INTS1: variants seen among roughly 807,000 people sequenced by gnomAD.
The protein encoded by INTS1 is integrator complex subunit 1.
Under a neutral mutation model 241.6 loss-of-function variants are expected in INTS1, and 137 were observed. The observed-to-expected ratio is 0.57, with a 90% CI of 0.49 to 0.65. The LOEUF is 0.65. Ranked by LOEUF, INTS1 falls within the 30% of genes least tolerant of loss-of-function variation. The pLI, the probability that INTS1 is intolerant of heterozygous loss-of-function variation, is 0.00. For synonymous variants in INTS1, 1,692 were observed against 1,337.8 expected (o/e 1.26, Z -5.78); for missense variants, 3,073 against 3,032.2 (o/e 1.01, Z -0.32).
intron 14 of INTS1, 136 bp downstream of exon 14, chr7:1,494,680 G>T: frequency 1.2e-6 from 1 of 817,864 alleles, no homozygotes; most frequent in Admixed American, 2.1e-5. Flanking sequence ...CAGGATTGTG[G>T]AGGAGGAGCA....
intron 30 of INTS1, among the ~76,000 whole-genome samples, chr7:1,480,053 G>C (rs1718010046): frequency 6.6e-6 from 1 of 152,260 alleles, no homozygotes; most frequent in African/African-American, 2.4e-5. Context: ...CCGCGCAGAG[G>C]GGTGTGCAAG....
At chr7:1,471,736 A>T in intron 44 of INTS1, 95 bp from the exon 45 acceptor site, 1 of 1,154,958 alleles carries the variant, frequency 8.7e-7, no homozygotes. Flanking sequence ...GGCCCCGAGC[A>T]CCACAGGACA....
At position 1,497,453 on chromosome 7, in the gene INTS1, C is replaced by G; in HGVS notation, c.1426-139G>C. 1.2e-6 allele frequency: 1 copy of G among 813,288 alleles called. No individual in the cohort carries two copies. The highest frequency in any genetic ancestry group is 1.7e-5 in the African/African-American group (1 of 57,516). 50.4% of individuals were successfully genotyped at this position (813,288 alleles called of 1,614,324 possible). On this transcript the variant is annotated intron_variant, in intron 10 of 47. Coordinates refer to ENST00000404767, the MANE Select transcript of INTS1 (RefSeq NM_001080453.3). The surrounding 1 kb of genome is among the most constrained non-coding windows in gnomAD (Gnocchi z 5.3). Reference sequence around the variant, plus strand: ...ACAGTGTGGGGTGCGGGGTGGCGGGCTCCTTGCTCTACTGGCTGCCAGCCC... The same window carrying G: ...ACAGTGTGGGGTGCGGGGTGGCGGGGTCCTTGCTCTACTGGCTGCCAGCCC...
At position 1,493,545 on chromosome 7, in the gene INTS1, A is replaced by G. The variant is rs1377936668; in HGVS notation, c.2068+209T>C. ...ATGTGCAAATTCCAAAGAACGGGGC[A>G]GTGACTGCACCATTGCCAAATACAC... On this transcript the variant is annotated intron_variant, in intron 15 of 47. Coordinates refer to ENST00000404767, the MANE Select transcript of INTS1 (RefSeq NM_001080453.3). The surrounding 1 kb of genome is among the most constrained non-coding windows in gnomAD (Gnocchi z 5.3). Among the ~76,000 whole-genome samples, 2 of 152,152 alleles carry G rather than the reference A, an allele frequency of 1.3e-5. No homozygotes were observed. The highest frequency in any genetic ancestry group is 4.8e-5 in the African/African-American group (2 of 41,420).
chr7:1,479,319 A>T, intron 31 of INTS1, 111 bp downstream of exon 31: 2 of 1,273,414 alleles, frequency 1.6e-6, no homozygotes, highest in Non-Finnish European at 1.1e-6. Flanking sequence ...TCTCACTTGG[A>T]AACTGAGACC....
At chr7:1,502,843 A>G (rs1783257634) in intron 3 of INTS1, 58 bp downstream of exon 3, 1 of 1,586,120 alleles carries the variant, frequency 6.3e-7, no homozygotes, top group Non-Finnish European at 8.6e-7. Context: ...TTCCCTGAAC[A>G]CCTGATGGAC....
rs1782982393 is a variant in INTS1 at position 1,498,665 on chromosome 7, C to G, written c.1283+42G>C. On this transcript the variant is annotated intron_variant, in intron 9 of 47. Transcript: ENST00000404767. The stretch of plus-strand genomic sequence containing the variant: ...CCGCCCACACCCCCACCCACACCCC[C>G]ACTCCACCCGCACCCCCGCTCTGCC... 3.9e-6 allele frequency: 6 copies of G among 1,539,338 alleles called. No homozygotes were observed. The East Asian group carries it at 9.8e-5, about 25-fold the overall frequency.
At position 1,481,094 on chromosome 7, in the gene INTS1, G is replaced by A. The variant is rs907162550; in HGVS notation, c.3851-161C>T. On this transcript the variant is annotated intron_variant, in intron 28 of 47. Transcript: ENST00000404767. The surrounding 1 kb of genome is among the most constrained non-coding windows in gnomAD (Gnocchi z 6.8). ...CTCAGTCAGCACTGAGGCCCCAACAGCTCCCTCCAAGCTCAAAACACGGCC... is the reference window on the plus strand; with the variant it reads ...CTCAGTCAGCACTGAGGCCCCAACAACTCCCTCCAAGCTCAAAACACGGCC... 1.5e-6 allele frequency: 1 copy of A among 689,060 alleles called. No homozygotes were observed. Among genetic ancestry groups the A allele is most frequent in the Non-Finnish European group, 2.5e-6 (1 of 396,496 alleles). 42.7% of individuals were successfully genotyped at this position (689,060 alleles called of 1,614,324 possible). A position where few individuals can be genotyped will look rare whatever the true frequency, so the allele number is the denominator to read the frequency against.
Position 1,495,424 on chromosome 7 carries a change from C to A in INTS1, c.1832+9G>T. 1 of 1,607,000 alleles carries A rather than the reference C, an allele frequency of 6.2e-7. No homozygotes were observed. Among genetic ancestry groups the A allele is most frequent in the Non-Finnish European group, 8.5e-7 (1 of 1,176,854 alleles). On this transcript the variant is annotated intron_variant, in intron 13 of 47. Coordinates refer to ENST00000404767, the MANE Select transcript of INTS1 (RefSeq NM_001080453.3). ...GTGGGACAGGGGCTGTACAGGGCCCCAGCCGCACCAGTGCACGTAGTCCTT... is the reference window on the plus strand; with the variant it reads ...GTGGGACAGGGGCTGTACAGGGCCCAAGCCGCACCAGTGCACGTAGTCCTT...
chr7:1,479,322 CTG>C (rs756118572), intron 31 of INTS1, 106 bp downstream of exon 31: 2 of 1,298,490 alleles, frequency 1.5e-6, no homozygotes, highest in Non-Finnish European at 2.1e-6. Context: ...CACTTGGAAA[CTG>C]AGACCCAAGA....
At position 1,473,106 on chromosome 7, in the gene INTS1, G is replaced by C; in HGVS notation, c.6036C>G (p.Asp2012Glu). ...LAGLSLPSRD[D>E]RTDRGLDEEG... Reference sequence around the variant, plus strand: ...CTTCGTCCAGGCCTCGGTCGGTCCTGTCGTCCCTGCTGGGCAGGCTGAGCC... The same window carrying C: ...CTTCGTCCAGGCCTCGGTCGGTCCTCTCGTCCCTGCTGGGCAGGCTGAGCC... Residue 2012 changes from aspartate (D) to glutamate (E), a missense_variant, in exon 43 of 48, where the codon GAC becomes GAG. Physicochemically the swap from Asp to Glu is conservative, Grantham distance 45. Coordinates refer to ENST00000404767, the MANE Select transcript of INTS1 (RefSeq NM_001080453.3). 2 of 1,611,648 alleles carry C rather than the reference G, an allele frequency of 1.2e-6. No homozygotes were observed. Among genetic ancestry groups the C allele is most frequent in the East Asian group, 2.2e-5 (1 of 44,846 alleles).
At chr7:1,492,567 G>A (rs1782610154) in intron 16 of INTS1, among the ~76,000 whole-genome samples, 1 of 152,206 alleles carries the variant, frequency 6.6e-6, no homozygotes, top group African/African-American at 2.4e-5. Context: ...GCACACTTTA[G>A]ATAACACGTA....
rs1244505313 is a variant in INTS1, at chr7:1,482,572, G to C, written c.3677C>G (p.Ser1226Cys). 1 of 1,612,734 alleles carries C rather than the reference G, an allele frequency of 6.2e-7. No homozygotes were observed. Among genetic ancestry groups the C allele is most frequent in the Admixed American group, 1.7e-5 (1 of 60,022 alleles). ...GGCGTCCACCAGGCGGAGCACCTCAGAACGGATCATGCGCAGCTTCAGCCA... is the reference window on the plus strand; with the variant it reads ...GGCGTCCACCAGGCGGAGCACCTCACAACGGATCATGCGCAGCTTCAGCCA... ...PDWLKLRMIR[S>C]EVLRLVDAAL... The change falls in exon 27 of 48, where the codon TCT becomes TGT. Residue 1226 changes from serine (S) to cysteine (C), a missense_variant. By Grantham distance (112) the Ser-to-Cys change is moderately radical. Transcript: ENST00000404767.
At chr7:1,494,242 TG>T (rs1390835535) in intron 14 of INTS1, among the ~76,000 whole-genome samples, 1 of 152,130 alleles carries the variant, frequency 6.6e-6, no homozygotes, top group African/African-American at 2.4e-5. Context: ...CTCAAGGAGC[TG>T]GGGGCCAGGA....
intron 18 of INTS1, among the ~76,000 whole-genome samples, chr7:1,488,233 C>A (rs993399019): frequency 1.2e-4 from 18 of 152,194 alleles, no homozygotes; most frequent in Non-Finnish European, 2.4e-4. Context: ...GTGTCAGAAC[C>A]TGGCCTCCTC....
At chr7:1,483,979 G>C (rs371082740) in intron 25 of INTS1, 24 bp downstream of exon 25, 2 of 1,596,954 alleles carry the variant, frequency 1.3e-6, no homozygotes, top group South Asian at 1.1e-5. Context: ...GCCCTCACCC[G>C]GCCGTAGACC....
At chr7:1,475,436 A>G (rs1431015713) in intron 39 of INTS1, among the ~76,000 whole-genome samples, 1 of 152,168 alleles carries the variant, frequency 6.6e-6, no homozygotes. Context: ...AAAATGACAT[A>G]TAAGTGAAAA....
chr7:1,495,346 G>A (rs994793370), intron 13 of INTS1, 87 bp downstream of exon 13: 7 of 1,481,896 alleles, frequency 4.7e-6, no homozygotes, highest in Non-Finnish European at 5.4e-6. Flanking sequence ...TGGCTCAGTG[G>A]GGTTTGGGGC....
In INTS1 at chr7:1,479,508, G is replaced by GT; in HGVS notation, c.4250dup (p.His1417GlnfsTer12). On this transcript the variant is annotated frameshift_variant, in exon 31 of 48. Transcript: ENST00000404767. LOFTEE classifies it high-confidence loss of function. ...GCATGGACATCACCAGGGCACCGCC[G>GT]TGTGGGGAGCTGAGCAGGGTGGCGA... 1.3e-6 allele frequency: 2 copies of GT among 1,570,614 alleles called. No individual in the cohort carries two copies. Among genetic ancestry groups the GT allele is most frequent in the Non-Finnish European group, 1.7e-6 (2 of 1,159,242 alleles).
Sources: gnomAD v4.1 joint callset for allele counts (sites outside exome capture counted in the v4.1 genomes callset) on GRCh38, gnomAD v4.1.1 for gene constraint, Gnocchi (gnomAD v3.1) non-coding constraint, MANE v1.5 for transcripts, NCBI Gene and HGNC (gene_info 2026-07-23, HGNC 2026-07-21) for gene names.